The following POLA1 variants were observed in gnomAD, a reference collection of about 807,000 sequenced individuals.
POLA1 encodes the protein DNA polymerase alpha catalytic subunit.
POLA1 carries 15 observed loss-of-function variants against 124.0 expected under a neutral mutation model. The observed-to-expected ratio is 0.12, with a 90% CI of 0.08 to 0.19. The LOEUF is 0.19. Ranked by LOEUF, POLA1 falls within the 10% of genes least tolerant of loss-of-function variation. The pLI is 1.00. For missense variants in POLA1, 886 were observed against 1,103.4 expected, an observed-to-expected ratio of 0.80 and a Z score of 2.79; for synonymous variants, 408 against 389.4, an observed-to-expected ratio of 1.05 and a Z score of -0.56.
Position 24,725,910 on chromosome X carries a change from C to T in POLA1, c.1318-71C>T, listed in dbSNP as rs1930512342. On this transcript the variant is annotated intron_variant, in intron 12 of 36. Transcript: ENST00000379068. ...GATTCTTGATGATTAAATACAAGAG[C>T]ATGTATTGTAATACTGGTTAGTTTG... 29 of 635,238 alleles carry T rather than the reference C, an allele frequency of 4.6e-5. No homozygotes were observed. In the South Asian group the frequency reaches 7.1e-4, roughly 16 times the overall value. 52.4% of individuals were successfully genotyped at this position (635,238 alleles called of 1,213,427 possible).
intron 34 of POLA1, among the ~76,000 whole-genome samples, chrX:24,876,460 A>G (rs1452749867): frequency 9.0e-6 from 1 of 111,245 alleles, no homozygotes; most frequent in African/African-American, 3.3e-5. Context: ...TGCTGATTCC[A>G]GGAAAATGCC....
chrX:24,729,435 CG>C (rs1403744669), intron 15 of POLA1, among the ~76,000 whole-genome samples: 10 of 111,435 alleles, frequency 9.0e-5, no homozygotes, highest in African/African-American at 3.3e-4. Flanking sequence ...TCATTTTTGC[CG>C]GAATTAGTTA....
intron 34 of POLA1, among the ~76,000 whole-genome samples, chrX:24,852,702 C>T (rs953224167): frequency 8.9e-6 from 1 of 111,884 alleles, no homozygotes; most frequent in African/African-American, 3.3e-5. Flanking sequence ...TTTTTGTTTT[C>T]GTTTTTACTG....
intron 26 of POLA1, among the ~76,000 whole-genome samples, chrX:24,803,563 G>T (rs1248592132): frequency 9.0e-6 from 1 of 111,081 alleles, no homozygotes; most frequent in Non-Finnish European, 1.9e-5. Context: ...GCATAAAGAT[G>T]TATCCAGACA....
At chrX:24,881,026 G>A (rs1020083282) in intron 34 of POLA1, among the ~76,000 whole-genome samples, 3 of 111,715 alleles carry the variant, frequency 2.7e-5, no homozygotes, top group African/African-American at 9.8e-5. Context: ...TTGAAAATCC[G>A]TGAATCCGGA....
chrX:24,777,017 T>G (rs2045152604), intron 26 of POLA1, among the ~76,000 whole-genome samples: 1 of 112,405 alleles, frequency 8.9e-6, no homozygotes, highest in African/African-American at 3.2e-5. Flanking sequence ...GACATTATTC[T>G]TAGGATTCAG....
At chrX:24,952,770 T>G (rs2048063269) in intron 36 of POLA1, among the ~76,000 whole-genome samples, 1 of 112,231 alleles carries the variant, frequency 8.9e-6, no homozygotes. Flanking sequence ...ATTTTATAAT[T>G]AGAAGTGATA....
chrX:24,950,405 A>G (rs985490530), intron 36 of POLA1, among the ~76,000 whole-genome samples: 32 of 112,305 alleles, frequency 2.8e-4, no homozygotes, highest in Non-Finnish European at 5.6e-5. Context: ...GGAAATAGTG[A>G]CATGTGACTA....
At chrX:24,782,290 A>T (rs959766359) in intron 26 of POLA1, among the ~76,000 whole-genome samples, 2 of 112,240 alleles carry the variant, frequency 1.8e-5, no homozygotes, top group Non-Finnish European at 3.8e-5. Flanking sequence ...ATCCATGATT[A>T]GGACACACCT....
At chrX:24,926,748 AC>A (rs774881681) in intron 35 of POLA1, among the ~76,000 whole-genome samples, 3 of 110,881 alleles carry the variant, frequency 2.7e-5, no homozygotes, top group Non-Finnish European at 5.7e-5. Context: ...CACTAGAACT[AC>A]CTGGCAGCCC....
chrX:24,732,977 C>G (rs1931029254), intron 16 of POLA1, among the ~76,000 whole-genome samples: 1 of 111,932 alleles, frequency 8.9e-6, no homozygotes, highest in Non-Finnish European at 1.9e-5. Context: ...GAGTCAGTCT[C>G]CAAGGAGGAT....
intron 4 of POLA1, among the ~76,000 whole-genome samples, chrX:24,708,264 A>G (rs923288521): frequency 1.8e-5 from 2 of 110,923 alleles, no homozygotes; most frequent in African/African-American, 6.6e-5. Flanking sequence ...CATTTTGACT[A>G]TTAATTACAT....
chrX:24,839,257 C>T, intron 32 of POLA1, among the ~76,000 whole-genome samples: 1 of 111,214 alleles, frequency 9.0e-6, no homozygotes, highest in East Asian at 2.8e-4. Flanking sequence ...TGAACTATGA[C>T]CAAGAGACTA....
intron 35 of POLA1, among the ~76,000 whole-genome samples, chrX:24,894,160 C>T (rs144442977): frequency 1.3e-4 from 15 of 112,108 alleles, no homozygotes; most frequent in African/African-American, 4.5e-4. Flanking sequence ...CCCAAAACTG[C>T]GTGCAGTATT....
At chrX:24,735,944 G>A (rs941189648) in intron 18 of POLA1, among the ~76,000 whole-genome samples, 1 of 110,877 alleles carries the variant, frequency 9.0e-6, no homozygotes. Flanking sequence ...TTTTTCTCTT[G>A]ACGATCCAGT....
chrX:24,873,130 C>G (rs1601824521), intron 34 of POLA1, among the ~76,000 whole-genome samples: 1 of 111,647 alleles, frequency 9.0e-6, no homozygotes. Flanking sequence ...CATACCTCCA[C>G]CATCACAGTA....
intron 36 of POLA1, among the ~76,000 whole-genome samples, chrX:24,992,474 C>G (rs931074796): frequency 1.8e-5 from 2 of 112,404 alleles, no homozygotes; most frequent in African/African-American, 6.5e-5. Flanking sequence ...CTGTATAACA[C>G]CTGACAGAAT....
chrX:24,930,033 C>T (rs748889885), intron 35 of POLA1, among the ~76,000 whole-genome samples: 54 of 111,911 alleles, frequency 4.8e-4, no homozygotes, highest in Non-Finnish European at 9.0e-4. Flanking sequence ...AAACGGGGCT[C>T]ATGGTATAGC....
chrX:24,912,736 C>T (rs1278338074), intron 35 of POLA1, among the ~76,000 whole-genome samples: 1 of 111,598 alleles, frequency 9.0e-6, no homozygotes, highest in East Asian at 2.8e-4. Flanking sequence ...TGCCACTGCA[C>T]TCTAGCCTGG....
Sources: allele counts gnomAD v4.1 joint callset (sites outside exome capture counted in the v4.1 genomes callset), GRCh38; gene constraint gnomAD v4.1.1; transcripts MANE v1.5; gene names NCBI Gene and HGNC (gene_info 2026-07-23, HGNC 2026-07-21).